Variants in ADK observed in about 807,000 individuals in gnomAD.
ADK encodes the protein adenosine kinase.
Under a neutral mutation model 44.7 loss-of-function variants are expected in ADK, and 24 were observed. That is an observed-to-expected ratio of 0.54 (90% CI 0.39 to 0.76). The LOEUF (loss-of-function observed/expected upper bound fraction) is 0.76, where lower values mean the gene tolerates loss of function less well. Ranked by LOEUF, ADK falls within the 30% of genes least tolerant of loss-of-function variation. The pLI is 0.00. For synonymous variants in ADK, 128 were observed against 142.6 expected (o/e 0.90, Z 0.73); for missense variants, 321 against 425.1 (o/e 0.76, Z 2.15).
intron 6 of ADK, among the ~76,000 whole-genome samples, chr10:74,495,319 G>A (rs1162392223): frequency 7.4e-6 from 1 of 135,892 alleles, no homozygotes; most frequent in Non-Finnish European, 1.6e-5. Flanking sequence ...CTCTTTCATT[G>A]AAGTTGAGCT....
intron 7 of ADK, among the ~76,000 whole-genome samples, chr10:74,555,789 G>C (rs1294742533): frequency 6.6e-6 from 1 of 152,126 alleles, no homozygotes; most frequent in Non-Finnish European, 1.5e-5. Flanking sequence ...GCACCTAGAA[G>C]GTTGAGATAA....
intron 6 of ADK, among the ~76,000 whole-genome samples, chr10:74,475,123 CA>C (rs1389376316): frequency 2.0e-5 from 3 of 150,292 alleles, no homozygotes; most frequent in African/African-American, 7.3e-5. Flanking sequence ...GACTCCATCT[CA>C]AAAAAACAAA....
intron 4 of ADK, among the ~76,000 whole-genome samples, chr10:74,339,880 ACTT>A (rs1244403656): frequency 6.6e-6 from 1 of 152,090 alleles, no homozygotes; most frequent in Non-Finnish European, 1.5e-5. Flanking sequence ...TTTGCAGACT[ACTT>A]CTTTTCCTGA....
intron 6 of ADK, among the ~76,000 whole-genome samples, chr10:74,410,590 A>G (rs1182708260): frequency 6.6e-6 from 1 of 152,124 alleles, no homozygotes; most frequent in Non-Finnish European, 1.5e-5. Context: ...CTGAGGTAGG[A>G]GAATCGCTCA....
chr10:74,200,734 A>T (rs758936478), intron 1 of ADK, 30 bp from the exon 2 acceptor site: 29 of 1,465,832 alleles, frequency 2.0e-5, no homozygotes, highest in Non-Finnish European at 2.6e-5. Flanking sequence ...TTTTAGAAGT[A>T]TTTCTAACTT....
At chr10:74,622,665 A>G (rs1853036954) in intron 9 of ADK, among the ~76,000 whole-genome samples, 1 of 152,170 alleles carries the variant, frequency 6.6e-6, no homozygotes, top group East Asian at 1.9e-4. Flanking sequence ...CTGCTGGATT[A>G]GGTCACTTTC....
intron 7 of ADK, among the ~76,000 whole-genome samples, chr10:74,564,826 A>G (rs112860414): frequency 0.013 from 1,958 of 152,284 alleles, 46 homozygotes; most frequent in African/African-American, 0.044. Flanking sequence ...CTCACACAAA[A>G]TAAAACATTC....
At chr10:74,590,901 A>G (rs1305418266) in intron 8 of ADK, among the ~76,000 whole-genome samples, 1 of 152,118 alleles carries the variant, frequency 6.6e-6, no homozygotes, top group African/African-American at 2.4e-5. Flanking sequence ...TTATCTGTTG[A>G]TACATCAGAA....
intron 6 of ADK, among the ~76,000 whole-genome samples, chr10:74,499,427 G>T (rs150444015): frequency 6.6e-6 from 1 of 152,156 alleles, no homozygotes; most frequent in Non-Finnish European, 1.5e-5. Context: ...AATGGCTCAC[G>T]CCTGTAATCC....
intron 6 of ADK, among the ~76,000 whole-genome samples, chr10:74,437,665 CT>C (rs1380846293): frequency 6.6e-6 from 1 of 152,176 alleles, no homozygotes; most frequent in East Asian, 1.9e-4. Flanking sequence ...TCTCCTTCTA[CT>C]TTTTAACCCT....
chr10:74,359,515 C>T (rs1261936357), intron 4 of ADK, among the ~76,000 whole-genome samples: 1 of 151,980 alleles, frequency 6.6e-6, no homozygotes, highest in Non-Finnish European at 1.5e-5. Flanking sequence ...CAAGACCAGC[C>T]TAGGCAACAT....
Position 74,224,525 on chromosome 10 carries a change from T to TTCTGTTATACAGGTATTC in ADK, c.141-8_150dup. 1 of 1,612,620 alleles carries TTCTGTTATACAGGTATTC rather than the reference T, an allele frequency of 6.2e-7. No individual in the cohort carries two copies. The highest frequency in any genetic ancestry group is 8.5e-7 in the Non-Finnish European group (1 of 1,178,826). ...TGTGTATGAAGAGTGTAATTTTCGT[T>TTCTGTTATACAGGTATTC]TCTGTTATACAGGTATTCTCTGAAA... On this transcript the variant is annotated splice_polypyrimidine_tract_variant and intron_variant, in intron 2 of 10. Transcript: ENST00000539909.
intron 2 of ADK, among the ~76,000 whole-genome samples, chr10:74,215,963 C>G (rs1403122035): frequency 6.6e-6 from 1 of 152,136 alleles, no homozygotes; most frequent in Admixed American, 6.6e-5. Context: ...GCCTAAATCA[C>G]TCTTTTTAGT....
chr10:74,597,983 AAATAT>A (rs1426546465), intron 8 of ADK, among the ~76,000 whole-genome samples: 1 of 152,172 alleles, frequency 6.6e-6, no homozygotes, highest in African/African-American at 2.4e-5. Context: ...TTGAGACTGT[AAATAT>A]CCTGTTTTCT....
chr10:74,475,089 CACTCCAGCTTGACAACAGAGCAAG>C (rs1386088370), intron 6 of ADK, among the ~76,000 whole-genome samples: 1 of 152,016 alleles, frequency 6.6e-6, no homozygotes, highest in East Asian at 1.9e-4. Flanking sequence ...CACGCCACTG[CACTCCAGCTTGACAACAGAGCAAG>C]ACTCCATCTC....
chr10:74,484,151 T>C (rs1220742333), intron 6 of ADK, among the ~76,000 whole-genome samples: 1 of 152,184 alleles, frequency 6.6e-6, no homozygotes, highest in African/African-American at 2.4e-5. Flanking sequence ...AATTGGCTCA[T>C]AGTTCCGCAG....
chr10:74,287,933 A>G (rs925945051), intron 3 of ADK, among the ~76,000 whole-genome samples: 3 of 149,994 alleles, frequency 2.0e-5, no homozygotes, highest in African/African-American at 7.4e-5. Flanking sequence ...AGTGAGCCAT[A>G]ATGGTGCCAC....
At chr10:74,256,467 G>A (rs1845829194) in intron 3 of ADK, among the ~76,000 whole-genome samples, 1 of 152,104 alleles carries the variant, frequency 6.6e-6, no homozygotes, top group Non-Finnish European at 1.5e-5. Context: ...TCTTAGTGAG[G>A]TAAACATTTT....
intron 8 of ADK, among the ~76,000 whole-genome samples, chr10:74,597,552 T>C (rs1242300906): frequency 6.6e-6 from 1 of 152,242 alleles, no homozygotes; most frequent in Non-Finnish European, 1.5e-5. Context: ...ATGAACTTTA[T>C]ACTTTTGAAA....
Sources: allele counts gnomAD v4.1 joint callset (sites outside exome capture counted in the v4.1 genomes callset), GRCh38; gene constraint gnomAD v4.1.1; transcripts MANE v1.5; gene names NCBI Gene and HGNC (gene_info 2026-07-23, HGNC 2026-07-21).